SIPA1L3: variants seen among roughly 807,000 people sequenced by gnomAD.
The protein encoded by SIPA1L3 is signal induced proliferation associated 1 like 3.
In SIPA1L3, 59 loss-of-function variants were observed where a neutral mutation model predicts 150.1. The observed-to-expected ratio is 0.39, with a 90% CI of 0.32 to 0.49. The LOEUF (loss-of-function observed/expected upper bound fraction) is 0.49, where lower values mean the gene tolerates loss of function less well. Ranked by LOEUF, SIPA1L3 falls within the 20% of genes least tolerant of loss-of-function variation. SIPA1L3 has a pLI of 0.86. For synonymous variants in SIPA1L3, 1,070 were observed against 1,077.6 expected, an observed-to-expected ratio of 0.99 and a Z score of 0.14; for missense variants, 2,211 against 2,489.5, an observed-to-expected ratio of 0.89 and a Z score of 2.38.
chr19:38,114,885 T>TGCATGTGCCCTGTCCTCCC lies in SIPA1L3; in HGVS notation c.2292-4419_2292-4401dup, dbSNP rs1221052673. On this transcript the variant is annotated intron_variant, in intron 8 of 21. Transcript: ENST00000222345. ...CGCAGTAGCTCCCACACTGGTCTCCTGCATGTGCCCTGTCCTCCCGTCCAT... is the reference window on the plus strand; with the variant it reads ...CGCAGTAGCTCCCACACTGGTCTCCTGCATGTGCCCTGTCCTCCCGCATGTGCCCTGTCCTCCCGTCCAT... Among the ~76,000 whole-genome samples, 15 of 152,340 alleles carry TGCATGTGCCCTGTCCTCCC rather than the reference T, an allele frequency of 9.8e-5. No individual in the cohort carries two copies. The East Asian group carries it at 2.9e-3, about 29-fold the overall frequency.
chr19:38,083,570 G>T (rs1970057349), intron 3 of SIPA1L3, among the ~76,000 whole-genome samples: 1 of 152,092 alleles, frequency 6.6e-6, no homozygotes, highest in African/African-American at 2.4e-5. Flanking sequence ...AGTGTCGGAG[G>T]GTGGGGGCAG....
At chr19:37,968,835 G>A (rs146876249) in intron 1 of SIPA1L3, among the ~76,000 whole-genome samples, 36 of 152,338 alleles carry the variant, frequency 2.4e-4, no homozygotes, top group African/African-American at 7.9e-4. Context: ...AGCTCACTGT[G>A]AGTTGGCTTG....
rs373032582 is a variant in SIPA1L3 at position 38,110,415 on chromosome 19, G to T, written c.2291+31G>T. The T allele has an allele frequency of 3.8e-6, 6 of 1,593,160 alleles. No individual in the cohort carries two copies. In the Admixed American group the frequency reaches 6.7e-5, roughly 18 times the overall value. ...CCCCCCACACCCGGCCCCCAGCAGC[G>T]TATGGAGAGAGGGGCAGGCAGCTGG... On this transcript the variant is annotated intron_variant, in intron 8 of 21. Coordinates refer to ENST00000222345, the MANE Select transcript of SIPA1L3 (RefSeq NM_015073.3).
rs2046341214 is a variant in SIPA1L3, at chr19:37,907,236, G to GGCTTGGAAGTGGGCA, written c.-498_-484dup. 1 of 152,550 alleles carries GGCTTGGAAGTGGGCA rather than the reference G, an allele frequency of 6.6e-6. No homozygotes were observed. Among genetic ancestry groups the GGCTTGGAAGTGGGCA allele is most frequent in the Admixed American group, 6.5e-5 (1 of 15,290 alleles). 9.4% of individuals were successfully genotyped at this position (152,550 alleles called of 1,614,324 possible). A position where few individuals can be genotyped will look rare whatever the true frequency, so the allele number is the denominator to read the frequency against. ...GTTCCCAGGAGGACTCGCGCGAAGC[G>GGCTTGGAAGTGGGCA]GCTTGGAAGTGGGCAGCCTGGAAGT... On this transcript the variant is annotated 5_prime_UTR_variant, in exon 1 of 22. Transcript: ENST00000222345.
intron 1 of SIPA1L3, among the ~76,000 whole-genome samples, chr19:38,028,057 T>G (rs1037538315): frequency 6.6e-6 from 1 of 152,092 alleles, no homozygotes; most frequent in Non-Finnish European, 1.5e-5. Flanking sequence ...CTCTCAGCTC[T>G]CATCTCCTGA....
intron 4 of SIPA1L3, among the ~76,000 whole-genome samples, chr19:38,089,205 C>A (rs1209171498): frequency 6.6e-6 from 1 of 151,592 alleles, no homozygotes; most frequent in Non-Finnish European, 1.5e-5. Flanking sequence ...GTAATCCCAG[C>A]TATTGGGGAG....
At chr19:38,137,912 C>T (rs1971471377) in intron 10 of SIPA1L3, among the ~76,000 whole-genome samples, 1 of 152,124 alleles carries the variant, frequency 6.6e-6, no homozygotes, top group Non-Finnish European at 1.5e-5. Context: ...GGATGCATCA[C>T]TTGAGGTCAG....
chr19:37,929,365 A>G (rs2046533214), intron 1 of SIPA1L3, among the ~76,000 whole-genome samples: 1 of 152,218 alleles, frequency 6.6e-6, no homozygotes, highest in Non-Finnish European at 1.5e-5. Context: ...ACACAGGGAA[A>G]GCATAATGCC....
At chr19:37,970,259 G>T (rs1314063624) in intron 1 of SIPA1L3, among the ~76,000 whole-genome samples, 1 of 152,222 alleles carries the variant, frequency 6.6e-6, no homozygotes, top group African/African-American at 2.4e-5. Flanking sequence ...GCTGGTATTA[G>T]TGATGCCCAA....
rs536564927 is a variant in SIPA1L3, at chr19:38,018,673, G to A, written c.-378-10416G>A. Among the ~76,000 whole-genome samples, 4 of 152,138 alleles carry A rather than the reference G, an allele frequency of 2.6e-5. No homozygotes were observed. In the South Asian group the frequency reaches 8.3e-4, roughly 32 times the overall value. On this transcript the variant is annotated intron_variant, in intron 1 of 21. Coordinates refer to ENST00000222345, the MANE Select transcript of SIPA1L3 (RefSeq NM_015073.3). ...AATTCTTCAGCTAATGGACATTCTG[G>A]GTTATCCTTACTCCCACTTTTCACA...
chr19:38,078,005 T>C (rs772700818), intron 2 of SIPA1L3, among the ~76,000 whole-genome samples: 16 of 152,136 alleles, frequency 1.1e-4, no homozygotes, highest in Non-Finnish European at 1.9e-4. Context: ...AAATGTTACA[T>C]GCAACTCTAG....
intron 9 of SIPA1L3, among the ~76,000 whole-genome samples, chr19:38,127,908 T>C (rs1233123287): frequency 6.6e-6 from 1 of 152,054 alleles, no homozygotes; most frequent in Non-Finnish European, 1.5e-5. Flanking sequence ...AGCAATTTAT[T>C]TCTTCGCATT....
At chr19:38,177,583 T>G (rs182143667) in intron 15 of SIPA1L3, among the ~76,000 whole-genome samples, 1 of 152,334 alleles carries the variant, frequency 6.6e-6, no homozygotes, top group Admixed American at 6.5e-5. Flanking sequence ...TACATATGTG[T>G]GTATATCTAT....
chr19:37,955,588 C>T (rs1411177211), intron 1 of SIPA1L3, among the ~76,000 whole-genome samples: 3 of 152,148 alleles, frequency 2.0e-5, no homozygotes, highest in African/African-American at 7.2e-5. Flanking sequence ...TGTAGATTTG[C>T]GTTTCCTGAA....
rs1206638488 is a variant in SIPA1L3, at chr19:38,142,668, C to G, written c.3491C>G (p.Pro1164Arg). 6.2e-7 allele frequency: 1 copy of G among 1,614,106 alleles called. No individual in the cohort carries two copies. The highest frequency in any genetic ancestry group is 1.1e-5 in the South Asian group (1 of 91,076). Residue 1164 changes from proline to arginine, a missense_variant, in exon 12 of 22, where the codon CCC (proline) becomes CGC (arginine). Physicochemically the swap from Pro to Arg is moderately radical, Grantham distance 103 (BLOSUM62 -2). Coordinates refer to ENST00000222345, the MANE Select transcript of SIPA1L3 (RefSeq NM_015073.3). Reference protein sequence around the residue: ...YRQPSGSFSTPGSATYVRYKP... With the variant: ...YRQPSGSFSTRGSATYVRYKP... ...CAGCCTTCTGGGAGCTTCTCCACCC[C>G]CGGTTCGGCCACCTACGTGAGATAC...
chr19:38,110,069 A>T (rs1179369560), intron 7 of SIPA1L3, 158 bp from the exon 8 acceptor site: 1 of 698,372 alleles, frequency 1.4e-6, no homozygotes, highest in Non-Finnish European at 2.5e-6. Context: ...AGAGGGAACC[A>T]CAGGAAGGTT....
intron 13 of SIPA1L3, among the ~76,000 whole-genome samples, chr19:38,160,618 TG>T (rs1261025322): frequency 6.6e-6 from 1 of 151,758 alleles, no homozygotes; most frequent in African/African-American, 2.4e-5. Flanking sequence ...TTGGACAGGA[TG>T]GTCTCAACTC....
intron 1 of SIPA1L3, among the ~76,000 whole-genome samples, chr19:37,944,950 C>CATAAATAA (rs528165380): frequency 6.6e-6 from 1 of 152,008 alleles, no homozygotes; most frequent in East Asian, 1.9e-4. Context: ...GACTCCATCT[C>CATAAATAA]ATAAATAAAT....
chr19:37,988,654 C>T (rs1244489884), intron 1 of SIPA1L3, among the ~76,000 whole-genome samples: 2 of 152,078 alleles, frequency 1.3e-5, no homozygotes, highest in Non-Finnish European at 2.9e-5. Context: ...CCAGCCTGGG[C>T]GACAGAGCGG....
Sources: gnomAD v4.1 joint callset for allele counts (sites outside exome capture counted in the v4.1 genomes callset) on GRCh38, gnomAD v4.1.1 for gene constraint, MANE v1.5 for transcripts, NCBI Gene and HGNC (gene_info 2026-07-23, HGNC 2026-07-21) for gene names.